The following NINJ2 variants were observed in gnomAD, a reference collection of about 807,000 sequenced individuals.
NINJ2 encodes ninjurin-2.
NINJ2 carries 12 observed loss-of-function variants against 11.7 expected under a neutral mutation model. The ratio of observed to expected loss-of-function variants is 1.02; its 90% CI spans 0.66 to 1.66. The LOEUF (loss-of-function observed/expected upper bound fraction) is 1.66, where lower values mean the gene tolerates loss of function less well. NINJ2 is among the 40% of genes most tolerant of loss of function. The pLI, the probability that NINJ2 is intolerant of heterozygous loss-of-function variation, is 0.00. For synonymous variants in NINJ2, 93 were observed against 76.8 expected (o/e 1.21, Z -1.10); for missense variants, 187 against 181.8 (o/e 1.03, Z -0.16).
chr12:621,953 G>A (rs113046871), intron 1 of NINJ2, among the ~76,000 whole-genome samples: 2,044 of 151,346 alleles, frequency 0.014, 50 homozygotes, highest in African/African-American at 0.047. Flanking sequence ...CCAAGATGGC[G>A]AAACACTGTC....
At position 628,130 on chromosome 12, in the gene NINJ2, A is replaced by T. The variant is rs553996142; in HGVS notation, c.33+35198T>A. ...CAAGGCTGAGTTTGCCAGAGCCTGC[A>T]GGATCCCTGCACCGCTTTACTGGAT... On this transcript the variant is annotated intron_variant, in intron 1 of 3. Transcript: ENST00000305108. The surrounding 1 kb of genome is among the most constrained non-coding windows in gnomAD (Gnocchi z 4.4). 1.4e-3 allele frequency among the ~76,000 whole-genome samples: 209 copies of T among 152,316 alleles called. 1 individual carries two copies. Among genetic ancestry groups the T allele is most frequent in the African/African-American group, 4.9e-3 (203 of 41,590 alleles).
chr12:567,264 T>C (rs1483866425), intron 1 of NINJ2, among the ~76,000 whole-genome samples: 1 of 151,664 alleles, frequency 6.6e-6, no homozygotes, highest in Non-Finnish European at 1.5e-5. Flanking sequence ...TGCTATGGCC[T>C]GGAGGTAGGG....
intron 1 of NINJ2, among the ~76,000 whole-genome samples, chr12:595,542 A>G (rs1947773332): frequency 6.6e-6 from 1 of 152,228 alleles, no homozygotes; most frequent in Non-Finnish European, 1.5e-5. Flanking sequence ...TGGGAGGCCA[A>G]GGCGGGTGGA....
chr12:630,220 T>C (rs1948262758), intron 1 of NINJ2, among the ~76,000 whole-genome samples: 1 of 152,040 alleles, frequency 6.6e-6, no homozygotes, highest in Non-Finnish European at 1.5e-5. Flanking sequence ...TTTTTTTTCC[T>C]TTTTAAAGAA....
intron 1 of NINJ2, among the ~76,000 whole-genome samples, chr12:660,877 C>T (rs1489827707): frequency 6.6e-6 from 1 of 152,160 alleles, no homozygotes; most frequent in Non-Finnish European, 1.5e-5. Context: ...AGGAGAATCA[C>T]TTGAACCCAG....
At chr12:627,203 A>G (rs1389297978) in intron 1 of NINJ2, among the ~76,000 whole-genome samples, 1 of 152,180 alleles carries the variant, frequency 6.6e-6, no homozygotes, top group Admixed American at 6.5e-5. Flanking sequence ...CAACCTGAAA[A>G]GCAATATATG....
intron 1 of NINJ2, among the ~76,000 whole-genome samples, chr12:613,012 C>T (rs1293818888): frequency 6.6e-6 from 1 of 152,174 alleles, no homozygotes; most frequent in African/African-American, 2.4e-5. Flanking sequence ...CAAAAGGCAT[C>T]AGGCAAGGTG....
intron 1 of NINJ2, among the ~76,000 whole-genome samples, chr12:590,123 G>A (rs1227501105): frequency 6.6e-6 from 1 of 152,176 alleles, no homozygotes; most frequent in Non-Finnish European, 1.5e-5. Flanking sequence ...ATTTTCTGTA[G>A]AGACGGTGTC....
At chr12:627,254 T>G (rs1369468316) in intron 1 of NINJ2, among the ~76,000 whole-genome samples, 1 of 152,238 alleles carries the variant, frequency 6.6e-6, no homozygotes, top group African/African-American at 2.4e-5. Flanking sequence ...AGAATTTTTA[T>G]CATCCTTTTA....
chr12:575,201 A>G (rs1230518901), intron 1 of NINJ2, among the ~76,000 whole-genome samples: 1 of 152,182 alleles, frequency 6.6e-6, no homozygotes, highest in Admixed American at 6.5e-5. Flanking sequence ...CAGGAAGGGA[A>G]ACACTCACAC....
At chr12:574,652 G>A (rs918647958) in intron 1 of NINJ2, among the ~76,000 whole-genome samples, 3 of 152,138 alleles carry the variant, frequency 2.0e-5, no homozygotes, top group African/African-American at 2.4e-5. Flanking sequence ...CTCACCAGAT[G>A]CCAGTGCAAT....
At chr12:575,443 G>A (rs1308885838) in intron 1 of NINJ2, among the ~76,000 whole-genome samples, 2 of 152,176 alleles carry the variant, frequency 1.3e-5, no homozygotes, top group Non-Finnish European at 2.9e-5. Flanking sequence ...CTCTGCTCCA[G>A]GACTACAGGC....
intron 1 of NINJ2, among the ~76,000 whole-genome samples, chr12:646,115 A>T (rs960148808): frequency 2.0e-5 from 3 of 152,186 alleles, no homozygotes; most frequent in Admixed American, 6.5e-5. Context: ...AGCATTCTGG[A>T]AACAGCACAG....
chr12:663,347 C>A lies in NINJ2; in HGVS notation c.14G>T (p.Arg5Ile). 4 of 1,614,202 alleles carry A rather than the reference C, an allele frequency of 2.5e-6. No individual in the cohort carries two copies. In the Middle Eastern group the frequency reaches 6.6e-4, roughly 266 times the overall value. Residue 5 changes from arginine (R) to isoleucine (I), a missense_variant, in exon 1 of 4, where the codon AGA (arginine) becomes ATA (isoleucine). By Grantham distance (97) the Arg-to-Ile change is moderately conservative. Transcript: ENST00000305108. MESA[R>I]ENIDLQPGSS... ...ACTTACTTGAAGGTCGATGTTTTCT[C>A]TTGCTGATTCCATCTCGCTGCCCTC...
intron 1 of NINJ2, among the ~76,000 whole-genome samples, chr12:573,907 T>C (rs1313852577): frequency 2.0e-5 from 3 of 152,150 alleles, no homozygotes; most frequent in Admixed American, 6.5e-5. Context: ...TCTGTACCTT[T>C]TGAATTTTGA....
rs1030894742 is a variant in NINJ2, at chr12:637,226, G to T, written c.33+26102C>A. ...TAGCCAGGCGTGGTGGTGCACTCCT[G>T]TAATCCTAGCTGCTCAGGAGGCTGA... On this transcript the variant is annotated intron_variant, in intron 1 of 3. Coordinates refer to ENST00000305108, the MANE Select transcript of NINJ2 (RefSeq NM_016533.6). Among the ~76,000 whole-genome samples the T allele has an allele frequency of 2.0e-5, 3 of 151,998 alleles. No homozygotes were observed. The South Asian group carries it at 6.2e-4, about 31-fold the overall frequency.
chr12:601,180 T>C (rs1013814710), intron 1 of NINJ2, among the ~76,000 whole-genome samples: 1 of 152,226 alleles, frequency 6.6e-6, no homozygotes, highest in African/African-American at 2.4e-5. Flanking sequence ...TTAGAATGCA[T>C]GTAACTAGGT....
chr12:643,752 A>C, intron 1 of NINJ2: 8 of 822,560 alleles, frequency 9.7e-6, no homozygotes, highest in Non-Finnish European at 1.2e-5. Context: ...CCCCCCTCAC[A>C]TCATGGGAGC....
intron 1 of NINJ2, among the ~76,000 whole-genome samples, chr12:602,028 A>G (rs1361270564): frequency 5.9e-5 from 9 of 152,184 alleles, no homozygotes; most frequent in Non-Finnish European, 1.2e-4. Flanking sequence ...TTAAATAACT[A>G]TTCAATTAAG....
Sources: allele counts gnomAD v4.1 joint callset (sites outside exome capture counted in the v4.1 genomes callset), GRCh38; gene constraint gnomAD v4.1.1; non-coding constraint Gnocchi (gnomAD v3.1); transcripts MANE v1.5; gene names NCBI Gene and HGNC (gene_info 2026-07-23, HGNC 2026-07-21).